The following ANTXR2 variants were observed in gnomAD, a reference collection of about 807,000 sequenced individuals.
ANTXR2 encodes the protein ANTXR cell adhesion molecule 2, also known as anthrax toxin receptor 2.
A neutral mutation model predicts 73.7 loss-of-function variants in ANTXR2; 44 were observed. That is an observed-to-expected ratio of 0.60 (90% CI 0.47 to 0.77). The LOEUF is 0.77. Ranked by LOEUF, ANTXR2 falls within the 30% of genes least tolerant of loss-of-function variation. ANTXR2 has a pLI of 0.00. For synonymous variants in ANTXR2, 217 were observed against 205.9 expected (o/e 1.05, Z -0.46); for missense variants, 604 against 592.5 (o/e 1.02, Z -0.20).
Position 80,008,718 on chromosome 4 carries a change from G to T in ANTXR2, c.946-102C>A, listed in dbSNP as rs1172130829. On this transcript the variant is annotated intron_variant, in intron 11 of 16. Transcript: ENST00000403729. ...GAAACACCAGAAAATAATTCAGAAAGTATAATGTCAAACTAGATTTTAACT... is the reference window on the plus strand; with the variant it reads ...GAAACACCAGAAAATAATTCAGAAATTATAATGTCAAACTAGATTTTAACT... 1.2e-5 allele frequency: 8 copies of T among 641,204 alleles called. No homozygotes were observed. In the East Asian group the frequency reaches 1.4e-4, roughly 11 times the overall value. The allele number at this position is 641,204 out of a possible 1,614,324, so 39.7% of individuals were successfully genotyped here. A position where few individuals can be genotyped will look rare whatever the true frequency, so the allele number is the denominator to read the frequency against.
At chr4:80,024,644 C>A in intron 10 of ANTXR2, 1 of 434,534 alleles carries the variant, frequency 2.3e-6, no homozygotes, top group Non-Finnish European at 4.6e-6. Flanking sequence ...TGCCTGTAGC[C>A]CCAGCTACTC....
At chr4:79,953,768 G>A (rs1728791771) in intron 16 of ANTXR2, among the ~76,000 whole-genome samples, 1 of 151,690 alleles carries the variant, frequency 6.6e-6, no homozygotes, top group Non-Finnish European at 1.5e-5. Context: ...ATCTGTAGGT[G>A]CTTAAAAATC....
intron 14 of ANTXR2, among the ~76,000 whole-genome samples, chr4:79,978,598 T>C (rs1729747965): frequency 6.6e-6 from 1 of 152,236 alleles, no homozygotes; most frequent in Non-Finnish European, 1.5e-5. Flanking sequence ...TAGCATTTAC[T>C]GAGTGATTAC....
chr4:79,904,329 G>GT lies in ANTXR2; in HGVS notation c.*3099dup, dbSNP rs1726825095. The GT allele has an allele frequency of 1.3e-5, 2 of 152,130 alleles. No individual in the cohort carries two copies. The highest frequency in any genetic ancestry group is 3.4e-3 in the Middle Eastern group (1 of 294). 9.4% of individuals were successfully genotyped at this position (152,130 alleles called of 1,614,324 possible). A position where few individuals can be genotyped will look rare whatever the true frequency, so the allele number is the denominator to read the frequency against. ...CTCTAACAATCTGAAATACATGGGG[G>GT]TTTAAACCTTCTATATTTTTGTCAA... is the stretch of plus-strand genomic sequence containing the variant. On this transcript the variant is annotated 3_prime_UTR_variant, in exon 17 of 17. Coordinates refer to ENST00000403729, the MANE Select transcript of ANTXR2 (RefSeq NM_058172.6).
In ANTXR2 at chr4:80,011,016, G is replaced by A. The variant is rs1332793731; in HGVS notation, c.946-2400C>T. ...CAAAAAATCAGCCAGGCATGGTGGT[G>A]GGCGCCTGTAGTCCCAGCTACTCGG... is the stretch of plus-strand genomic sequence containing the variant. On this transcript the variant is annotated intron_variant, in intron 11 of 16. Coordinates refer to ENST00000403729, the MANE Select transcript of ANTXR2 (RefSeq NM_058172.6). Among the ~76,000 whole-genome samples, 6 of 151,982 alleles carry A rather than the reference G, an allele frequency of 3.9e-5. No individual in the cohort carries two copies. In the South Asian group the frequency reaches 6.2e-4, roughly 16 times the overall value.
intron 11 of ANTXR2, among the ~76,000 whole-genome samples, chr4:80,009,631 G>A (rs1345343693): frequency 6.6e-6 from 1 of 151,890 alleles, no homozygotes; most frequent in African/African-American, 2.4e-5. Flanking sequence ...AGGTGATCAC[G>A]AGGTCAGGAG....
At chr4:79,954,956 G>T (rs1196730752) in intron 16 of ANTXR2, among the ~76,000 whole-genome samples, 1 of 152,148 alleles carries the variant, frequency 6.6e-6, no homozygotes, top group African/African-American at 2.4e-5. Flanking sequence ...ATTTCAATGT[G>T]ACCCAATGGG....
intron 14 of ANTXR2, among the ~76,000 whole-genome samples, chr4:79,979,372 A>G (rs894531754): frequency 6.6e-6 from 1 of 152,232 alleles, no homozygotes; most frequent in African/African-American, 2.4e-5. Flanking sequence ...AGGGCACACT[A>G]TGACACATCA....
chr4:80,055,976 C>G lies in ANTXR2; in HGVS notation c.334G>C (p.Val112Leu). Residue 112 changes from valine to leucine, a missense_variant, in exon 4 of 17, where the codon GTT becomes CTT. Val to Leu is a conservative substitution (Grantham distance 32). Coordinates refer to ENST00000403729, the MANE Select transcript of ANTXR2 (RefSeq NM_058172.6). Reference protein sequence around the residue: ...ISKGLEDLKRVSPVGETYIHE... With the variant: ...ISKGLEDLKRLSPVGETYIHE... ...ATATATGTCTCTCCTACTGGACTAA[C>G]ACGTTTTAAATCCTCCAAGCCTTTA... 6.4e-7 allele frequency: 1 copy of G among 1,571,106 alleles called. No individual in the cohort carries two copies. The highest frequency in any genetic ancestry group is 8.6e-7 in the Non-Finnish European group (1 of 1,158,536).
At chr4:79,928,989 C>G (rs1727944336) in intron 16 of ANTXR2, among the ~76,000 whole-genome samples, 1 of 152,172 alleles carries the variant, frequency 6.6e-6, no homozygotes, top group Admixed American at 6.5e-5. Context: ...AATCTTAGCT[C>G]TATGTAATAA....
At chr4:80,004,122 C>T (rs1731189613) in intron 12 of ANTXR2, among the ~76,000 whole-genome samples, 1 of 151,134 alleles carries the variant, frequency 6.6e-6, no homozygotes, top group African/African-American at 2.4e-5. Flanking sequence ...TTGGGTGGAT[C>T]TCGGGAATTA....
chr4:80,028,191 TGTATCAG>T (rs1160996739), intron 10 of ANTXR2, among the ~76,000 whole-genome samples: 1 of 152,156 alleles, frequency 6.6e-6, no homozygotes, highest in Non-Finnish European at 1.5e-5. Flanking sequence ...TACAGATCTC[TGTATCAG>T]ACAGATCTAT....
intron 7 of ANTXR2, among the ~76,000 whole-genome samples, chr4:80,043,687 T>C (rs1251032319): frequency 6.6e-6 from 1 of 151,992 alleles, no homozygotes; most frequent in African/African-American, 2.4e-5. Flanking sequence ...TGTTTATGTA[T>C]CCCTCTGGGT....
intron 3 of ANTXR2, among the ~76,000 whole-genome samples, chr4:80,062,640 G>T (rs987415350): frequency 2.0e-5 from 3 of 152,096 alleles, no homozygotes; most frequent in Non-Finnish European, 4.4e-5. Flanking sequence ...CCCAACTATT[G>T]TCTCATCTTT....
chr4:79,943,793 A>G (rs1404612018), intron 16 of ANTXR2, among the ~76,000 whole-genome samples: 1 of 151,956 alleles, frequency 6.6e-6, no homozygotes, highest in Non-Finnish European at 1.5e-5. Flanking sequence ...ATTGTTTTTA[A>G]GCAAAAACAA....
chr4:80,010,858 T>A (rs1276209746), intron 11 of ANTXR2, among the ~76,000 whole-genome samples: 2 of 152,000 alleles, frequency 1.3e-5, no homozygotes, highest in Admixed American at 1.3e-4. Context: ...CTTAAAAAAA[T>A]TAAAAATGGC....
At chr4:79,930,528 G>A (rs1728017019) in intron 16 of ANTXR2, among the ~76,000 whole-genome samples, 1 of 152,162 alleles carries the variant, frequency 6.6e-6, no homozygotes, top group African/African-American at 2.4e-5. Flanking sequence ...AATTATGAAC[G>A]TTGATTATCA....
At chr4:79,921,611 T>C (rs1029181792) in intron 16 of ANTXR2, among the ~76,000 whole-genome samples, 3 of 152,098 alleles carry the variant, frequency 2.0e-5, no homozygotes, top group African/African-American at 7.2e-5. Flanking sequence ...TTTGTAGAAA[T>C]GTATAGTTTT....
At chr4:80,041,938 T>C (rs1733287134) in intron 7 of ANTXR2, among the ~76,000 whole-genome samples, 2 of 152,138 alleles carry the variant, frequency 1.3e-5, no homozygotes, top group African/African-American at 4.8e-5. Context: ...TACGCATGCA[T>C]GTATCTTTGT....
Sources: allele counts gnomAD v4.1 joint callset (sites outside exome capture counted in the v4.1 genomes callset), GRCh38; gene constraint gnomAD v4.1.1; transcripts MANE v1.5; gene names NCBI Gene and HGNC (gene_info 2026-07-23, HGNC 2026-07-21).